The following RASGRP4 variants were observed in gnomAD, a reference collection of about 807,000 sequenced individuals.
RASGRP4 encodes the protein RAS guanyl-releasing protein 4.
RASGRP4 carries 52 observed loss-of-function variants against 84.4 expected under a neutral mutation model. That is an observed-to-expected ratio of 0.62 (90% CI 0.49 to 0.78). The LOEUF (loss-of-function observed/expected upper bound fraction) is 0.78. Ranked by LOEUF, RASGRP4 falls within the 30% of genes least tolerant of loss-of-function variation. The pLI, the probability that RASGRP4 is intolerant of heterozygous loss-of-function variation, is 0.00. For synonymous variants in RASGRP4, 356 were observed against 359.1 expected (o/e 0.99, Z 0.10); for missense variants, 760 against 886.9 (o/e 0.86, Z 1.82).
Position 38,418,154 on chromosome 19 carries a change from G to A in RASGRP4, c.837+237C>T, listed in dbSNP as rs368210832. ...TAGAATATTCGGGCATAGGGCTTGG[G>A]AGCCTGTCACGTCTAGGGCCAAGGG... On this transcript the variant is annotated intron_variant, in intron 7 of 16. Coordinates refer to ENST00000615439, the MANE Select transcript of RASGRP4 (RefSeq NM_170604.3). This position sits in a 1 kb window ranked among gnomAD's most constrained non-coding sequence, Gnocchi z 4.6. Among the ~76,000 whole-genome samples the A allele has an allele frequency of 6.6e-6, 1 of 152,038 alleles. No homozygotes were observed. Among genetic ancestry groups the A allele is most frequent in the African/African-American group, 2.4e-5 (1 of 41,370 alleles).
rs10412098 is a variant in RASGRP4, at chr19:38,415,043, A to G, written c.1035T>C (p.Gly345=). Reference sequence around the variant, plus strand: ...GCACGCCCAGTACAGGCAGCCGGAAACCCGCGCAGCCAGCCCAGGTGCGGC... The same window carrying G: ...GCACGCCCAGTACAGGCAGCCGGAAGCCCGCGCAGCCAGCCCAGGTGCGGC... ...RYRRTWAGCA[G]FRLPVLGVHL... The change falls in exon 9 of 17, where the codon GGT becomes GGC. Residue 345 remains glycine (G), a synonymous_variant. Coordinates refer to ENST00000615439, the MANE Select transcript of RASGRP4 (RefSeq NM_170604.3). The G allele has an allele frequency of 0.19, 300,760 of 1,605,696 alleles. 39,410 individuals carry two copies. The highest frequency in any genetic ancestry group is 0.69 in the African/African-American group (51,479 of 74,790).
chr19:38,413,225 T>C lies in RASGRP4; in HGVS notation c.1384A>G (p.Thr462Ala), dbSNP rs1183976804. 4.3e-6 allele frequency: 7 copies of C among 1,613,708 alleles called. No homozygotes were observed. The highest frequency in any genetic ancestry group is 5.9e-6 in the Non-Finnish European group (7 of 1,179,856). ...AGCTGCTCCACATGCCGACCCAGTG[T>C]GACCCTGTCCGGCTTGGGTGTCACA... ...PGVTPKPDRV[T>A]LGRHVEQLVE... Residue 462 changes from threonine (T) to alanine (A), a missense_variant, in exon 11 of 17, where the codon ACA becomes GCA. Physicochemically the swap from Thr to Ala is moderately conservative, Grantham distance 58 (BLOSUM62 0). Coordinates refer to ENST00000615439, the MANE Select transcript of RASGRP4 (RefSeq NM_170604.3). This position sits in a 1 kb window ranked among gnomAD's most constrained non-coding sequence, Gnocchi z 4.7.
Position 38,411,097 on chromosome 19 carries a change from G to C in RASGRP4, c.1852+18C>G, listed in dbSNP as rs775444885. 4 of 1,610,858 alleles carry C rather than the reference G, an allele frequency of 2.5e-6. No homozygotes were observed. Among genetic ancestry groups the C allele is most frequent in the Admixed American group, 3.3e-5 (2 of 59,928 alleles). On this transcript the variant is annotated intron_variant, in intron 15 of 16. Coordinates refer to ENST00000615439, the MANE Select transcript of RASGRP4 (RefSeq NM_170604.3). ...TCCCCCAGGCCCCTTCCCAGCACCG[G>C]TGTGCTCTAGGTCTTACCACAGCTG...
rs142842646 is a variant in RASGRP4 at position 38,411,172 on chromosome 19, C to T, written c.1795G>A (p.Asp599Asn). 60 of 1,613,902 alleles carry T rather than the reference C, an allele frequency of 3.7e-5. No homozygotes were observed. In the Middle Eastern group the frequency reaches 9.9e-4, roughly 27 times the overall value. The stretch of plus-strand genomic sequence containing the variant: ...ACAGGAGCTCCGGGGGGTCCTGCAT[C>T]GCCCTTGGCCCCTGGCCTCTTCTTA... Reference protein sequence around the residue: ...ECKKRPGAKGDAGPPGAPVPS... With the variant: ...ECKKRPGAKGNAGPPGAPVPS... Residue 599 changes from aspartate (D) to asparagine (N), a missense_variant, in exon 15 of 17, where the codon GAT becomes AAT. Physicochemically the swap from Asp to Asn is conservative, Grantham distance 23. Transcript: ENST00000615439.
Position 38,418,338 on chromosome 19 carries a change from G to A in RASGRP4, c.837+53C>T, listed in dbSNP as rs1487349328. ...TGGGGTCGAGGGTCTGGAAGGGGAA[G>A]GACCAGGTGGCTGCGTGCAGTGGAG... On this transcript the variant is annotated intron_variant, in intron 7 of 16. Transcript: ENST00000615439. This position sits in a 1 kb window ranked among gnomAD's most constrained non-coding sequence, Gnocchi z 4.6. The A allele has an allele frequency of 3.2e-6, 5 of 1,549,130 alleles. No individual in the cohort carries two copies. The highest frequency in any genetic ancestry group is 4.4e-6 in the Non-Finnish European group (5 of 1,141,516).
chr19:38,426,048 C>T, intron 1 of RASGRP4, 21 bp downstream of exon 1: 1 of 1,368,372 alleles, frequency 7.3e-7, no homozygotes, highest in African/African-American at 1.5e-5. Flanking sequence ...CTGCCGGGCT[C>T]CCTGGGGAGG....
rs1387816175 is a variant in RASGRP4 at position 38,417,487 on chromosome 19, G to A, written c.838-319C>T. Among the ~76,000 whole-genome samples the A allele has an allele frequency of 2.6e-5, 4 of 152,178 alleles. No homozygotes were observed. The highest frequency in any genetic ancestry group is 9.7e-5 in the African/African-American group (4 of 41,436). On this transcript the variant is annotated intron_variant, in intron 7 of 16. Transcript: ENST00000615439. This position sits in a 1 kb window ranked among gnomAD's most constrained non-coding sequence, Gnocchi z 5.1. The stretch of plus-strand genomic sequence containing the variant: ...GACAGGTGTGTGTCAGGTGGAGGAG[G>A]CTTCAGACATGTCAGGGTGTCAGCC...
At chr19:38,426,009 C>T (rs1035945644) in intron 1 of RASGRP4, 60 bp downstream of exon 1, 1 of 1,318,320 alleles carries the variant, frequency 7.6e-7, no homozygotes, top group Middle Eastern at 2.0e-4. Context: ...TCTCCCCAGC[C>T]CTCCCATGCA....
chr19:38,419,902 C>T lies in RASGRP4; in HGVS notation c.621G>A (p.Gln207=), dbSNP rs755245220. The T allele has an allele frequency of 1.2e-6, 2 of 1,609,730 alleles. No homozygotes were observed. The highest frequency in any genetic ancestry group is 1.7e-6 in the Non-Finnish European group (2 of 1,178,062). The change falls in exon 6 of 17, where the codon CAG becomes CAA. Residue 207 remains glutamine, a synonymous_variant. Coordinates refer to ENST00000615439, the MANE Select transcript of RASGRP4 (RefSeq NM_170604.3). ...FDHLETGELA[Q]HLTYLEFRSF... Reference sequence around the variant, plus strand: ...ACCGGAACTCCAGGTAGGTGAGGTGCTGAGCCAGCTCCCCCGTCTCCAAGT... The same window carrying T: ...ACCGGAACTCCAGGTAGGTGAGGTGTTGAGCCAGCTCCCCCGTCTCCAAGT...
intron 13 of RASGRP4, chr19:38,411,683 G>A (rs1971263325): frequency 3.3e-6 from 1 of 300,034 alleles, no homozygotes; most frequent in East Asian, 5.8e-5. Flanking sequence ...AATAGAGCAA[G>A]ACCCATCTCT....
Position 38,413,222 on chromosome 19 carries a change from G to C in RASGRP4, c.1387C>G (p.Leu463Val). 2 of 1,613,710 alleles carry C rather than the reference G, an allele frequency of 1.2e-6. No homozygotes were observed. Among genetic ancestry groups the C allele is most frequent in the Non-Finnish European group, 1.7e-6 (2 of 1,179,842 alleles). ...GVTPKPDRVT[L>V]GRHVEQLVES... The stretch of plus-strand genomic sequence containing the variant: ...ACCAGCTGCTCCACATGCCGACCCA[G>C]TGTGACCCTGTCCGGCTTGGGTGTC... Residue 463 changes from leucine (L) to valine (V), a missense_variant, in exon 11 of 17, where the codon CTG becomes GTG. Physicochemically the swap from Leu to Val is conservative, Grantham distance 32 (BLOSUM62 1). Coordinates refer to ENST00000615439, the MANE Select transcript of RASGRP4 (RefSeq NM_170604.3). The surrounding 1 kb of genome is among the most constrained non-coding windows in gnomAD (Gnocchi z 4.7).
intron 4 of RASGRP4, 53 bp from the exon 5 acceptor site, chr19:38,420,315 A>G (rs1600572024): frequency 1.3e-6 from 2 of 1,586,010 alleles, no homozygotes; most frequent in Admixed American, 3.6e-5. Context: ...GAAGGTCTCT[A>G]CAAGGGGTAT....
At position 38,417,076 on chromosome 19, in the gene RASGRP4, G is replaced by A; in HGVS notation, c.930C>T (p.Ala310=). Residue 310 remains alanine, a synonymous_variant, in exon 8 of 17, where the codon GCC becomes GCT. Coordinates refer to ENST00000615439, the MANE Select transcript of RASGRP4 (RefSeq NM_170604.3). This position sits in a 1 kb window ranked among gnomAD's most constrained non-coding sequence, Gnocchi z 5.1. Reference sequence around the variant, plus strand: ...CCTTGGTGCTGTCAGGGCTCAGGTGGGCATGGGAGTCCTTGAGTCTGGAGA... The same window carrying A: ...CCTTGGTGCTGTCAGGGCTCAGGTGAGCATGGGAGTCCTTGAGTCTGGAGA... ...SAISRLKDSH[A]HLSPDSTKAL... 6.4e-7 allele frequency: 1 copy of A among 1,559,044 alleles called. No individual in the cohort carries two copies. Among genetic ancestry groups the A allele is most frequent in the Non-Finnish European group, 8.7e-7 (1 of 1,150,524 alleles).
Position 38,420,249 on chromosome 19 carries a change from G to A in RASGRP4, c.391C>T (p.Arg131Ter), listed in dbSNP as rs1238100505. ...ICHLVRYWLM[R>*]HPEVMHQDPQ... Reference sequence around the variant, plus strand: ...TCCTGGTGCATCACCTCAGGGTGTCGCATCAGCCAGTACCTGAGAGTGGTT... The same window carrying A: ...TCCTGGTGCATCACCTCAGGGTGTCACATCAGCCAGTACCTGAGAGTGGTT... The change falls in exon 5 of 17, where the codon CGA (arginine) becomes TGA (stop). Residue 131 changes from arginine to a stop codon, truncating the protein, a stop_gained. Transcript: ENST00000615439. LOFTEE classifies it high-confidence loss of function. 11 of 1,612,750 alleles carry A rather than the reference G, an allele frequency of 6.8e-6. No homozygotes were observed. The highest frequency in any genetic ancestry group is 1.3e-5 in the African/African-American group (1 of 74,906).
intron 13 of RASGRP4, 70 bp from the exon 14 acceptor site, chr19:38,411,451 G>T: frequency 1.4e-6 from 2 of 1,393,390 alleles, no homozygotes; most frequent in Non-Finnish European, 1.9e-6. Context: ...AGGGCAGCTG[G>T]GGAGTGGAAG....
chr19:38,425,674 A>G (rs1971962904), intron 1 of RASGRP4, among the ~76,000 whole-genome samples: 1 of 152,080 alleles, frequency 6.6e-6, no homozygotes, highest in Non-Finnish European at 1.5e-5. Flanking sequence ...GTGGTTTAAG[A>G]GGCAGGGGAG....
intron 1 of RASGRP4, among the ~76,000 whole-genome samples, chr19:38,425,831 G>A (rs1298662100): frequency 6.6e-6 from 1 of 152,142 alleles, no homozygotes; most frequent in Admixed American, 6.5e-5. Context: ...GGGGTGATGA[G>A]GAGTGGAAAA....
At chr19:38,420,871 G>T in intron 4 of RASGRP4, 37 bp downstream of exon 4, 1 of 1,593,260 alleles carries the variant, frequency 6.3e-7, no homozygotes, top group Non-Finnish European at 8.6e-7. Flanking sequence ...GATGGAAGTC[G>T]TGGGTCCTGA....
Position 38,426,194 on chromosome 19 carries a change from C to T in RASGRP4, c.-103G>A. 1.1e-6 allele frequency: 1 copy of T among 934,660 alleles called. No individual in the cohort carries two copies. Among genetic ancestry groups the T allele is most frequent in the African/African-American group, 1.7e-5 (1 of 58,190 alleles). The allele number at this position is 934,660 out of a possible 1,614,324, so 57.9% of individuals were successfully genotyped here. A position where few individuals can be genotyped will look rare whatever the true frequency, so the allele number is the denominator to read the frequency against. ...TTCTCAGCCCCTAGGGAGCTGGGGC[C>T]TCCTCGGTGCTTGGGAAGGAAAGAG... On this transcript the variant is annotated 5_prime_UTR_variant, in exon 1 of 17. Transcript: ENST00000615439.
Sources: gnomAD v4.1 joint callset for allele counts (sites outside exome capture counted in the v4.1 genomes callset) on GRCh38, gnomAD v4.1.1 for gene constraint, Gnocchi (gnomAD v3.1) non-coding constraint, MANE v1.5 for transcripts, NCBI Gene and HGNC (gene_info 2026-07-23, HGNC 2026-07-21) for gene names.